ATP8A1: variants seen among roughly 807,000 people sequenced by gnomAD.
ATP8A1 encodes the protein ATPase phospholipid transporting 8A1.
ATP8A1 carries 90 observed loss-of-function variants against 177.7 expected under a neutral mutation model. The ratio of observed to expected loss-of-function variants is 0.51; its 90% CI spans 0.43 to 0.60. ATP8A1 has a LOEUF of 0.60. Among genes scored for constraint, ATP8A1 ranks in the 20% least tolerant of loss-of-function variants. ATP8A1 has a pLI of 0.00. For missense variants in ATP8A1, 1,072 were observed against 1,392.8 expected (o/e 0.77, Z 3.67); for synonymous variants, 493 against 485.9 (o/e 1.01, Z -0.19).
chr4:42,422,838 G>C lies in ATP8A1; in HGVS notation c.3274C>G (p.Gln1092Glu), dbSNP rs1281301304. 1.2e-6 allele frequency: 2 copies of C among 1,612,864 alleles called. No individual in the cohort carries two copies. Among genetic ancestry groups the C allele is most frequent in the Admixed American group, 1.7e-5 (1 of 60,002 alleles). ...CCAAGTACAACTGCTCCTGGGTCTT[G>C]AGATTTTGCCTCCAGCTCCTGAACT... ...DEVQELEAKS[Q>E]DPGAVVLGKS... The change falls in exon 35 of 37, where the codon CAA becomes GAA. Residue 1092 changes from glutamine (Q) to glutamate (E), a missense_variant. Gln to Glu is a conservative substitution (Grantham distance 29). Coordinates refer to ENST00000381668, the MANE Select transcript of ATP8A1 (RefSeq NM_006095.2).
At chr4:42,437,069 A>G (rs961396712) in intron 33 of ATP8A1, among the ~76,000 whole-genome samples, 2 of 152,178 alleles carry the variant, frequency 1.3e-5, no homozygotes, top group Non-Finnish European at 2.9e-5. Context: ...CTTAACTTCA[A>G]TTTCCTTCAG....
At chr4:42,607,467 T>C (rs990723379) in intron 5 of ATP8A1, among the ~76,000 whole-genome samples, 2 of 152,144 alleles carry the variant, frequency 1.3e-5, no homozygotes, top group African/African-American at 2.4e-5. Flanking sequence ...ACCACATGTA[T>C]TATGCTGGTG....
Position 42,656,910 on chromosome 4 carries a change from T to A in ATP8A1, c.-37A>T. ...CTGCAGGTGGGTCCTCAGCCCGGAC[T>A]CTGCACCTGTCACGGCGTGGTACAC... On this transcript the variant is annotated 5_prime_UTR_variant, in exon 1 of 37. Transcript: ENST00000381668. 1 of 1,523,032 alleles carries A rather than the reference T, an allele frequency of 6.6e-7. No homozygotes were observed. The highest frequency in any genetic ancestry group is 1.2e-5 in the South Asian group (1 of 81,030). 94.3% of individuals were successfully genotyped at this position (1,523,032 alleles called of 1,614,324 possible). A position where few individuals can be genotyped will look rare whatever the true frequency, so the allele number is the denominator to read the frequency against.
intron 16 of ATP8A1, among the ~76,000 whole-genome samples, chr4:42,555,036 T>C (rs1729917226): frequency 6.6e-6 from 1 of 152,072 alleles, no homozygotes; most frequent in South Asian, 2.1e-4. Flanking sequence ...GATGGCCTAT[T>C]GTGGGATTGT....
chr4:42,509,095 C>T (rs897953046), intron 22 of ATP8A1, among the ~76,000 whole-genome samples: 6 of 152,196 alleles, frequency 3.9e-5, no homozygotes, highest in Admixed American at 3.9e-4. Flanking sequence ...TAATTTTCCT[C>T]ACTTACGTAG....
In ATP8A1 at chr4:42,590,889, AC is replaced by A. The variant is rs1560494817; in HGVS notation, c.451-6del. On this transcript the variant is annotated splice_polypyrimidine_tract_variant and splice_region_variant and intron_variant, in intron 6 of 36. Transcript: ENST00000381668. ...CACTATCTCCCCTACTGCCACCTAC[AC>A]GTCCCAGTATAAAATAATTAAAATG... The A allele has an allele frequency of 6.2e-7, 1 of 1,606,820 alleles. No individual in the cohort carries two copies.
At chr4:42,643,407 C>T (rs2612519) in intron 1 of ATP8A1, among the ~76,000 whole-genome samples, 33,936 of 152,124 alleles carry the variant, frequency 0.22, 4,117 homozygotes, top group Non-Finnish European at 0.27. Context: ...AGCTGGTTTT[C>T]ATTCCTTCAT....
At position 42,410,954 on chromosome 4, in the gene ATP8A1, T is replaced by C. The variant is rs1712529471; in HGVS notation, c.*1962A>G. ...CATTTCACTCTTGCTTTCTTATTTT[T>C]TGTGGTTTGACCTCAGCTATCACCA... On this transcript the variant is annotated 3_prime_UTR_variant, in exon 37 of 37. Coordinates refer to ENST00000381668, the MANE Select transcript of ATP8A1 (RefSeq NM_006095.2). 1 of 152,200 alleles carries C rather than the reference T, an allele frequency of 6.6e-6. No homozygotes were observed. The highest frequency in any genetic ancestry group is 2.1e-4 in the South Asian group (1 of 4,824). The allele number at this position is 152,200 out of a possible 1,614,324, so 9.4% of individuals were successfully genotyped here.
At chr4:42,517,785 C>T (rs1436459795) in intron 22 of ATP8A1, among the ~76,000 whole-genome samples, 1 of 152,178 alleles carries the variant, frequency 6.6e-6, no homozygotes, top group East Asian at 1.9e-4. Flanking sequence ...AGTATTGGAG[C>T]TCAAACAGTA....
intron 25 of ATP8A1, among the ~76,000 whole-genome samples, chr4:42,478,300 C>T (rs1033627479): frequency 6.6e-6 from 1 of 151,828 alleles, no homozygotes; most frequent in Non-Finnish European, 1.5e-5. Flanking sequence ...GGATGGCGTA[C>T]GTAGAGGTTG....
intron 6 of ATP8A1, among the ~76,000 whole-genome samples, chr4:42,591,989 A>C (rs1380432742): frequency 6.6e-6 from 1 of 152,180 alleles, no homozygotes; most frequent in Non-Finnish European, 1.5e-5. Context: ...CATTACCTAA[A>C]GTCAAAATTT....
intron 22 of ATP8A1, 104 bp downstream of exon 22, chr4:42,522,056 G>A (rs1726183197): frequency 2.3e-6 from 3 of 1,281,966 alleles, no homozygotes; most frequent in African/African-American, 3.0e-5. Context: ...ATAGTGAATG[G>A]TATGTCAAGA....
At chr4:42,469,307 C>G (rs928776564) in intron 25 of ATP8A1, among the ~76,000 whole-genome samples, 1 of 152,116 alleles carries the variant, frequency 6.6e-6, no homozygotes, top group South Asian at 2.1e-4. Flanking sequence ...GCCCCACTTA[C>G]AATGCACCAA....
intron 23 of ATP8A1, among the ~76,000 whole-genome samples, chr4:42,504,361 T>TCCA (rs1724150879): frequency 6.6e-6 from 1 of 152,206 alleles, no homozygotes; most frequent in Non-Finnish European, 1.5e-5. Context: ...ACCACACTCC[T>TCCA]CCAGCCCCCA....
intron 35 of ATP8A1, among the ~76,000 whole-genome samples, chr4:42,422,267 T>C (rs965597495): frequency 1.8e-4 from 27 of 152,014 alleles, no homozygotes; most frequent in Admixed American, 1.2e-3. Context: ...AGTTTTTGTA[T>C]TCTTAGTAGA....
intron 22 of ATP8A1, among the ~76,000 whole-genome samples, chr4:42,518,675 C>T (rs1000397658): frequency 1.1e-4 from 16 of 152,284 alleles, no homozygotes; most frequent in Middle Eastern, 3.4e-3. Context: ...CATGCTAAGT[C>T]CAATAATGAC....
chr4:42,545,738 C>G (rs1209940488), intron 19 of ATP8A1, among the ~76,000 whole-genome samples: 1 of 152,184 alleles, frequency 6.6e-6, no homozygotes, highest in Non-Finnish European at 1.5e-5. Flanking sequence ...CTTTGGGAGG[C>G]TGAGGCAGGG....
At chr4:42,540,954 T>A (rs939380237) in intron 20 of ATP8A1, among the ~76,000 whole-genome samples, 24 of 152,140 alleles carry the variant, frequency 1.6e-4, no homozygotes, top group Admixed American at 3.3e-4. Flanking sequence ...CCTGGCTTGA[T>A]CACTCTGCAT....
chr4:42,415,443 C>T (rs1165529044), intron 35 of ATP8A1, among the ~76,000 whole-genome samples: 3 of 149,826 alleles, frequency 2.0e-5, no homozygotes, highest in Non-Finnish European at 4.5e-5. Flanking sequence ...AAAAATAAGG[C>T]ATCTTCTCCC....
Sources: gnomAD v4.1 joint callset for allele counts (sites outside exome capture counted in the v4.1 genomes callset) on GRCh38, gnomAD v4.1.1 for gene constraint, MANE v1.5 for transcripts, NCBI Gene and HGNC (gene_info 2026-07-23, HGNC 2026-07-21) for gene names.